The following AHCYL2 variants were observed in gnomAD, a reference collection of about 807,000 sequenced individuals.
AHCYL2 encodes S-adenosylhomocysteine hydrolase-like protein 2.
In AHCYL2, 28 loss-of-function variants were observed where a neutral mutation model predicts 81.4. The ratio of observed to expected loss-of-function variants is 0.34; its 90% CI spans 0.25 to 0.47. AHCYL2 has a LOEUF of 0.47. Among genes scored for constraint, AHCYL2 ranks in the 20% least tolerant of loss-of-function variants. The pLI is 1.00. For missense variants in AHCYL2, 551 were observed against 785.1 expected (o/e 0.70, Z 3.56); for synonymous variants, 272 against 290.2 (o/e 0.94, Z 0.64).
intron 12 of AHCYL2, among the ~76,000 whole-genome samples, chr7:129,420,481 T>A (rs1410400369): frequency 6.7e-6 from 1 of 149,936 alleles, no homozygotes; most frequent in African/African-American, 2.4e-5. Context: ...TAAATTCTTT[T>A]TTTTTTTTTT....
At chr7:129,394,091 C>T (rs902085673) in intron 4 of AHCYL2, among the ~76,000 whole-genome samples, 1 of 151,826 alleles carries the variant, frequency 6.6e-6, no homozygotes, top group Admixed American at 6.6e-5. Context: ...TCATTGCAGC[C>T]TCAAACTCCT....
chr7:129,236,524 AGAGATG>A (rs1794650708), intron 1 of AHCYL2, among the ~76,000 whole-genome samples: 1 of 151,414 alleles, frequency 6.6e-6, no homozygotes, highest in Admixed American at 6.6e-5. Context: ...TGTTTTTTGT[AGAGATG>A]GGGTTTTACC....
At chr7:129,225,583 T>G in intron 1 of AHCYL2, 144 bp downstream of exon 1, 1 of 1,342,474 alleles carries the variant, frequency 7.4e-7, no homozygotes, top group South Asian at 1.8e-5. Flanking sequence ...ACCCACTCTC[T>G]CAGAGATGCC....
intron 1 of AHCYL2, among the ~76,000 whole-genome samples, chr7:129,275,522 A>AC (rs1796171585): frequency 6.6e-6 from 1 of 152,248 alleles, no homozygotes; most frequent in South Asian, 2.1e-4. Context: ...GACTGGAAAT[A>AC]AAGATATGGA....
At chr7:129,403,118 A>G (rs903810858) in intron 6 of AHCYL2, among the ~76,000 whole-genome samples, 1 of 152,110 alleles carries the variant, frequency 6.6e-6, no homozygotes, top group Non-Finnish European at 1.5e-5. Context: ...ATATTTTGAT[A>G]CAGTAGATAT....
intron 1 of AHCYL2, among the ~76,000 whole-genome samples, chr7:129,307,997 C>G (rs1797505246): frequency 6.6e-6 from 1 of 151,712 alleles, no homozygotes; most frequent in Admixed American, 6.6e-5. Context: ...CTCCTCTCCT[C>G]AAGCAGAAGA....
At chr7:129,231,646 T>C (rs1448362540) in intron 1 of AHCYL2, among the ~76,000 whole-genome samples, 1 of 152,180 alleles carries the variant, frequency 6.6e-6, no homozygotes, top group East Asian at 1.9e-4. Flanking sequence ...GGAGCTGAAA[T>C]TCCATTCACC....
chr7:129,366,807 T>G (rs1794138528), intron 1 of AHCYL2, among the ~76,000 whole-genome samples: 1 of 152,032 alleles, frequency 6.6e-6, no homozygotes, highest in Admixed American at 6.5e-5. Context: ...ATAGAAAGTT[T>G]ATTTTGCCAA....
At chr7:129,287,047 G>A (rs951809510) in intron 1 of AHCYL2, among the ~76,000 whole-genome samples, 3 of 136,826 alleles carry the variant, frequency 2.2e-5, no homozygotes, top group Non-Finnish European at 3.1e-5. Flanking sequence ...CATTTAATGG[G>A]AAGAAAAGCA....
chr7:129,351,185 T>G (rs988941378), intron 1 of AHCYL2, among the ~76,000 whole-genome samples: 80 of 152,334 alleles, frequency 5.3e-4, no homozygotes, highest in African/African-American at 1.7e-3. Context: ...TATATACTTA[T>G]TTTTGGTGTT....
Position 129,299,105 on chromosome 7 carries a change from T to A in AHCYL2, c.363+73666T>A, listed in dbSNP as rs182853543. Among the ~76,000 whole-genome samples, 126 of 152,170 alleles carry A rather than the reference T, an allele frequency of 8.3e-4. 1 individual carries two copies. Among genetic ancestry groups the A allele is most frequent in the African/African-American group, 2.9e-3 (120 of 41,556 alleles). Reference sequence around the variant, plus strand: ...TGTGCCATGATATATTGTTCTTTTTTAAATTTTTTGACATTTTTGGGGGGA... The same window carrying A: ...TGTGCCATGATATATTGTTCTTTTTAAAATTTTTTGACATTTTTGGGGGGA... On this transcript the variant is annotated intron_variant, in intron 1 of 16. Transcript: ENST00000325006.
intron 1 of AHCYL2, among the ~76,000 whole-genome samples, chr7:129,338,319 G>A (rs964055877): frequency 1.3e-5 from 2 of 151,696 alleles, no homozygotes; most frequent in Non-Finnish European, 2.9e-5. Flanking sequence ...TGGCTAATTT[G>A]TAAATTTTTT....
At position 129,406,182 on chromosome 7, in the gene AHCYL2, G is replaced by T. The variant is rs1211426334; in HGVS notation, c.1207-196G>T. ...TGAGTGTGGGTGTTCTTGTGCACAT[G>T]AATGCGATAAGCAGGAGCCAGGGGT... On this transcript the variant is annotated intron_variant, in intron 9 of 16. Transcript: ENST00000325006. The surrounding 1 kb of genome is among the most constrained non-coding windows in gnomAD (Gnocchi z 4.3). Among the ~76,000 whole-genome samples, 1 of 152,066 alleles carries T rather than the reference G, an allele frequency of 6.6e-6. No individual in the cohort carries two copies. The highest frequency in any genetic ancestry group is 1.5e-5 in the Non-Finnish European group (1 of 68,036).
intron 1 of AHCYL2, among the ~76,000 whole-genome samples, chr7:129,267,932 A>T (rs1391001680): frequency 6.6e-6 from 1 of 152,158 alleles, no homozygotes; most frequent in Admixed American, 6.5e-5. Flanking sequence ...ATAACATGGG[A>T]GTAGAAAGCT....
chr7:129,375,804 A>G, intron 1 of AHCYL2: 3 of 1,530,534 alleles, frequency 2.0e-6, no homozygotes, highest in Non-Finnish European at 2.6e-6. Context: ...TGATGAGGAA[A>G]GTTTAAAGGC....
intron 1 of AHCYL2, among the ~76,000 whole-genome samples, chr7:129,337,703 C>T (rs1280733667): frequency 6.6e-6 from 1 of 151,414 alleles, no homozygotes; most frequent in Non-Finnish European, 1.5e-5. Flanking sequence ...CCGTCCATGC[C>T]ATAATTTAAG....
intron 11 of AHCYL2, among the ~76,000 whole-genome samples, chr7:129,412,072 G>A (rs1796606734): frequency 1.3e-5 from 2 of 151,832 alleles, no homozygotes; most frequent in Admixed American, 6.6e-5. Flanking sequence ...TTTCAGGCTG[G>A]GTGTGGTGGC....
rs1270756165 is a variant in AHCYL2 at position 129,427,090 on chromosome 7, G to T, written c.*45G>T. On this transcript the variant is annotated 3_prime_UTR_variant, in exon 17 of 17. Coordinates refer to ENST00000325006, the MANE Select transcript of AHCYL2 (RefSeq NM_015328.4). The surrounding 1 kb of genome is among the most constrained non-coding windows in gnomAD (Gnocchi z 5.5). ...GAATTTTTAAGGAATAGAACTCCAA[G>T]CCTTTTCTCCACTACTATACAAGAA... The T allele has an allele frequency of 1.9e-6, 3 of 1,570,770 alleles. No homozygotes were observed. The Admixed American group carries it at 5.0e-5, about 26-fold the overall frequency.
chr7:129,353,528 A>G (rs193011101), intron 1 of AHCYL2, among the ~76,000 whole-genome samples: 13 of 151,912 alleles, frequency 8.6e-5, no homozygotes, highest in African/African-American at 2.7e-4. Flanking sequence ...TTCCTGTATA[A>G]CAGCATAAAT....
Sources: allele counts gnomAD v4.1 joint callset (sites outside exome capture counted in the v4.1 genomes callset), GRCh38; gene constraint gnomAD v4.1.1; non-coding constraint Gnocchi (gnomAD v3.1); transcripts MANE v1.5; gene names NCBI Gene and HGNC (gene_info 2026-07-23, HGNC 2026-07-21).